FCHSD2: variants seen among roughly 807,000 people sequenced by gnomAD.
FCHSD2 encodes F-BAR and double SH3 domains protein 2.
A neutral mutation model predicts 108.1 loss-of-function variants in FCHSD2; 38 were observed. That is an observed-to-expected ratio of 0.35 (90% confidence interval 0.27 to 0.46). FCHSD2 has a LOEUF of 0.46. Among genes scored for constraint, FCHSD2 ranks in the 20% least tolerant of loss-of-function variants. FCHSD2 has a pLI of 1.00. For missense variants in FCHSD2, 751 were observed against 897.8 expected (o/e 0.84, Z 2.09); for synonymous variants, 279 against 314.7 (o/e 0.89, Z 1.20).
chr11:72,868,075 A>T, intron 12 of FCHSD2, 49 bp from the exon 13 acceptor site: 1 of 1,518,534 alleles, frequency 6.6e-7, no homozygotes, highest in Non-Finnish European at 8.9e-7. Context: ...ATTATTCACA[A>T]TAGCAAAGAT....
chr11:72,873,347 A>C lies in FCHSD2; in HGVS notation c.1147-5321T>G, dbSNP rs376485432. Reference sequence around the variant, plus strand: ...CTGTTTCAAAAAAAAAAAAAAATGAATCTTTTCATGTGCTTATTTATGGGT... The same window carrying C: ...CTGTTTCAAAAAAAAAAAAAAATGACTCTTTTCATGTGCTTATTTATGGGT... On this transcript the variant is annotated intron_variant, in intron 12 of 19. Transcript: ENST00000409418. Among the ~76,000 whole-genome samples, 29 of 151,992 alleles carry C rather than the reference A, an allele frequency of 1.9e-4. No individual in the cohort carries two copies. In the South Asian group the frequency reaches 6.0e-3, roughly 32 times the overall value.
chr11:72,942,177 T>C (rs1458856949), intron 8 of FCHSD2, among the ~76,000 whole-genome samples: 1 of 152,220 alleles, frequency 6.6e-6, no homozygotes, highest in Non-Finnish European at 1.5e-5. Flanking sequence ...GTTCTCACTC[T>C]ATAAGTTCAC....
chr11:73,060,015 C>T (rs746555667), intron 3 of FCHSD2, among the ~76,000 whole-genome samples: 2 of 152,204 alleles, frequency 1.3e-5, no homozygotes, highest in Admixed American at 6.5e-5. Context: ...ATTCCTCTAA[C>T]GTATACCTCC....
intron 9 of FCHSD2, among the ~76,000 whole-genome samples, chr11:72,905,674 T>C (rs1855614286): frequency 6.6e-6 from 1 of 151,668 alleles, no homozygotes; most frequent in East Asian, 1.9e-4. Flanking sequence ...CATCTATGAG[T>C]GAGAACATGC....
chr11:72,953,012 A>G (rs1362009021), intron 8 of FCHSD2, among the ~76,000 whole-genome samples: 4 of 152,250 alleles, frequency 2.6e-5, no homozygotes, highest in Non-Finnish European at 5.9e-5. Context: ...TTTGACTTGA[A>G]AAAATTTTGT....
intron 3 of FCHSD2, among the ~76,000 whole-genome samples, chr11:73,082,894 A>G (rs1859729534): frequency 6.6e-6 from 1 of 152,216 alleles, no homozygotes; most frequent in Non-Finnish European, 1.5e-5. Flanking sequence ...ATAAAATGAT[A>G]CATCAACATA....
At chr11:72,988,095 C>A (rs145245706) in intron 6 of FCHSD2, among the ~76,000 whole-genome samples, 3 of 152,252 alleles carry the variant, frequency 2.0e-5, no homozygotes, top group Admixed American at 6.5e-5. Context: ...TGAATAAAAA[C>A]TGTATTAGAA....
intron 8 of FCHSD2, among the ~76,000 whole-genome samples, chr11:72,939,283 C>T (rs1856365656): frequency 1.3e-5 from 2 of 152,144 alleles, no homozygotes; most frequent in Non-Finnish European, 2.9e-5. Context: ...AGCAGCATGA[C>T]AGTAATTCCC....
chr11:72,915,741 C>T (rs1206631051), intron 9 of FCHSD2, among the ~76,000 whole-genome samples: 5 of 152,130 alleles, frequency 3.3e-5, no homozygotes, highest in Non-Finnish European at 7.3e-5. Flanking sequence ...TCGCTTGAAC[C>T]TGGGAGGCAG....
rs534521263 is a variant in FCHSD2 at position 72,995,798 on chromosome 11, G to T, written c.387+5192C>A. Among the ~76,000 whole-genome samples, 30 of 151,318 alleles carry T rather than the reference G, an allele frequency of 2.0e-4. No homozygotes were observed. The Middle Eastern group carries it at 0.01, about 53-fold the overall frequency. ...AAACTTGCTAATAACTTGAATATAA[G>T]AATACAAATAAAAGTAACCTGGGCC... On this transcript the variant is annotated intron_variant, in intron 5 of 19. Transcript: ENST00000409418.
chr11:72,964,415 GTCT>G (rs1324649061), intron 8 of FCHSD2, among the ~76,000 whole-genome samples: 1 of 152,174 alleles, frequency 6.6e-6, no homozygotes, highest in African/African-American at 2.4e-5. Flanking sequence ...CGTCTGAGAA[GTCT>G]TCTTTACTCC....
intron 3 of FCHSD2, among the ~76,000 whole-genome samples, chr11:73,068,821 AAAAAAAAAAAAG>A (rs1488964291): frequency 6.7e-6 from 1 of 149,812 alleles, no homozygotes; most frequent in Non-Finnish European, 1.5e-5. Context: ...AGTAAAAAAA[AAAAAAAAAAAAG>A]AAAAAGAAAA....
rs578235393 is a variant in FCHSD2, at chr11:73,108,952, G to A, written c.120-25212C>T. Among the ~76,000 whole-genome samples the A allele has an allele frequency of 8.5e-5, 13 of 152,266 alleles. No individual in the cohort carries two copies. The South Asian group carries it at 1.7e-3, about 19-fold the overall frequency. On this transcript the variant is annotated intron_variant, in intron 2 of 19. Transcript: ENST00000409418. The stretch of plus-strand genomic sequence containing the variant: ...GGTCTGGTTTCATTCTTCTGCATAC[G>A]GATATTCAGTTTTTCCAGCACCATT...
At position 73,044,598 on chromosome 11, in the gene FCHSD2, T is replaced by A. The variant is rs141187345; in HGVS notation, c.166-28713A>T. On this transcript the variant is annotated intron_variant, in intron 3 of 19. Transcript: ENST00000409418. The stretch of plus-strand genomic sequence containing the variant: ...GTCCCTTAAAAAAGTCACTCATAAA[T>A]CTTAATTCTATTAATCTACAATAAT... Among the ~76,000 whole-genome samples the A allele has an allele frequency of 8.4e-3, 1,283 of 152,026 alleles. 7 individuals carry two copies. The highest frequency in any genetic ancestry group is 0.054 in the Middle Eastern group (16 of 294).
chr11:73,134,419 A>G (rs1861074938), intron 2 of FCHSD2, among the ~76,000 whole-genome samples: 1 of 152,126 alleles, frequency 6.6e-6, no homozygotes, highest in Admixed American at 6.5e-5. Context: ...GCAGTGAGCC[A>G]TGATCACACC....
chr11:72,940,774 A>C, intron 8 of FCHSD2: 2 of 853,440 alleles, frequency 2.3e-6, no homozygotes, highest in Non-Finnish European at 4.0e-6. Context: ...TAATCAGCTA[A>C]AGTTTGCCTG....
intron 3 of FCHSD2, among the ~76,000 whole-genome samples, chr11:73,039,063 T>C (rs1370229310): frequency 1.3e-5 from 2 of 152,204 alleles, no homozygotes; most frequent in Non-Finnish European, 2.9e-5. Context: ...TAAGTCTCCA[T>C]AATAATTGCA....
chr11:73,008,286 C>T (rs960770741), intron 4 of FCHSD2, among the ~76,000 whole-genome samples: 1 of 152,050 alleles, frequency 6.6e-6, no homozygotes, highest in African/African-American at 2.4e-5. Flanking sequence ...TTGCAGTGGG[C>T]CAAGACTGTA....
intron 10 of FCHSD2, among the ~76,000 whole-genome samples, chr11:72,894,930 G>A (rs2135260038): frequency 6.6e-6 from 1 of 152,064 alleles, no homozygotes; most frequent in East Asian, 1.9e-4. Context: ...ATGGTATATG[G>A]GTCACTTTTC....
Sources: allele counts gnomAD v4.1 joint callset (sites outside exome capture counted in the v4.1 genomes callset), GRCh38; gene constraint gnomAD v4.1.1; transcripts MANE v1.5; gene names NCBI Gene and HGNC (gene_info 2026-07-23, HGNC 2026-07-21).